CSMD3: variants seen among roughly 807,000 people sequenced by gnomAD.
CSMD3 encodes CUB and Sushi multiple domains 3, also known as CUB and sushi domain-containing protein 3.
CSMD3 carries 177 observed loss-of-function variants against 435.2 expected under a neutral mutation model. The observed-to-expected ratio is 0.41, with a 90% CI of 0.36 to 0.46. CSMD3 has a LOEUF of 0.46. Ranked by LOEUF, CSMD3 falls within the 20% of genes least tolerant of loss-of-function variation. The pLI, the probability that CSMD3 is intolerant of heterozygous loss-of-function variation, is 0.34. For synonymous variants in CSMD3, 1,656 were observed against 1,520.5 expected, an observed-to-expected ratio of 1.09 and a Z score of -2.07; for missense variants, 4,265 against 4,504.6, an observed-to-expected ratio of 0.95 and a Z score of 1.52.
At chr8:112,650,750 T>G (rs1319810707) in intron 18 of CSMD3, among the ~76,000 whole-genome samples, 2 of 152,208 alleles carry the variant, frequency 1.3e-5, no homozygotes, top group African/African-American at 4.8e-5. Flanking sequence ...AGTAGAGGCA[T>G]TTTGCAAGGT....
chr8:113,195,329 G>T (rs1203159374), intron 3 of CSMD3, among the ~76,000 whole-genome samples: 3 of 149,276 alleles, frequency 2.0e-5, no homozygotes, highest in African/African-American at 7.4e-5. Flanking sequence ...ACTATTGAAA[G>T]AGCTGAGATC....
Position 112,405,226 on chromosome 8 carries a change from TATATATATATATATATATATAC to T in CSMD3, c.5809+1276_5809+1297del, listed in dbSNP as rs1563904450. 1.5e-3 allele frequency among the ~76,000 whole-genome samples: 141 copies of T among 96,012 alleles called. 3 individuals carry two copies. The highest frequency in any genetic ancestry group is 7.0e-3 in the African/African-American group (137 of 19,604). The allele number at this position is 96,012 out of a possible 152,430, so 63.0% of individuals were successfully genotyped here. A position where few individuals can be genotyped will look rare whatever the true frequency, so the allele number is the denominator to read the frequency against. On this transcript the variant is annotated intron_variant, in intron 35 of 70. Coordinates refer to ENST00000297405, the MANE Select transcript of CSMD3 (RefSeq NM_198123.2). ...AAAAAAAAACCCCCATATATATATATATATATATATATATATATATACATATATATATACACATATCTTATTT... is the reference window on the plus strand; with the variant it reads ...AAAAAAAAACCCCCATATATATATATATATATATATACACATATCTTATTT...
intron 3 of CSMD3, among the ~76,000 whole-genome samples, chr8:113,276,322 T>G (rs1419229015): frequency 6.6e-6 from 1 of 152,164 alleles, no homozygotes; most frequent in East Asian, 1.9e-4. Context: ...GCTGAGAAAT[T>G]TCTTCACCTG....
intron 13 of CSMD3, among the ~76,000 whole-genome samples, chr8:112,726,905 A>G (rs1235137908): frequency 6.6e-6 from 1 of 151,838 alleles, no homozygotes; most frequent in Non-Finnish European, 1.5e-5. Flanking sequence ...ATAAGAACCA[A>G]TGGGAATATG....
At chr8:112,913,251 T>G (rs2082478126) in intron 10 of CSMD3, among the ~76,000 whole-genome samples, 3 of 151,924 alleles carry the variant, frequency 2.0e-5, no homozygotes. Flanking sequence ...TCAGGATGAT[T>G]CAAGCACATT....
intron 1 of CSMD3, among the ~76,000 whole-genome samples, chr8:113,403,672 T>A (rs936699584): frequency 2.0e-5 from 3 of 151,448 alleles, no homozygotes; most frequent in Non-Finnish European, 4.5e-5. Context: ...CAGTAACAGC[T>A]GTTTTAAATC....
intron 22 of CSMD3, among the ~76,000 whole-genome samples, chr8:112,599,179 A>C (rs1257075772): frequency 6.8e-6 from 1 of 147,490 alleles, no homozygotes; most frequent in Admixed American, 6.7e-5. Context: ...AAAAGAAAAA[A>C]AAAACAACCC....
chr8:113,154,632 G>A (rs1299169923), intron 4 of CSMD3, among the ~76,000 whole-genome samples: 1 of 152,006 alleles, frequency 6.6e-6, no homozygotes, highest in Non-Finnish European at 1.5e-5. Context: ...AATAACAGAA[G>A]TAAACATATT....
chr8:112,370,082 A>AAGAAGAAGAAGT (rs1285510394), intron 38 of CSMD3, among the ~76,000 whole-genome samples: 2,096 of 102,016 alleles, frequency 0.021, 79 homozygotes, highest in East Asian at 0.026. Context: ...GAAGAAGAAG[A>AAGAAGAAGAAGT]AGTAGTAGTA....
At chr8:112,881,865 T>G (rs1033139212) in intron 10 of CSMD3, among the ~76,000 whole-genome samples, 1 of 152,012 alleles carries the variant, frequency 6.6e-6, no homozygotes, top group Non-Finnish European at 1.5e-5. Flanking sequence ...TGAGAAACAC[T>G]TATTTACAGG....
At chr8:112,881,387 C>A (rs1427971199) in intron 10 of CSMD3, among the ~76,000 whole-genome samples, 1 of 151,996 alleles carries the variant, frequency 6.6e-6, no homozygotes, top group Non-Finnish European at 1.5e-5. Flanking sequence ...AAAATCTGGA[C>A]TAAACAGCAT....
chr8:113,396,240 C>A (rs2094483026), intron 1 of CSMD3, among the ~76,000 whole-genome samples: 1 of 152,100 alleles, frequency 6.6e-6, no homozygotes, highest in Non-Finnish European at 1.5e-5. Flanking sequence ...TTATGAAGTT[C>A]TTAGGTGAAC....
chr8:113,359,153 G>A (rs1388956604), intron 1 of CSMD3, among the ~76,000 whole-genome samples: 2 of 152,186 alleles, frequency 1.3e-5, no homozygotes, highest in African/African-American at 4.8e-5. Context: ...TTGTACGTTT[G>A]ACCAACTATG....
At position 112,586,949 on chromosome 8, in the gene CSMD3, A is replaced by G. The variant is rs1830777928; in HGVS notation, c.3885+117T>C. The G allele has an allele frequency of 1.4e-5, 8 of 583,334 alleles. 1 individual carries two copies. Among genetic ancestry groups the G allele is most frequent in the Non-Finnish European group, 2.1e-5 (7 of 338,904 alleles). 36.1% of individuals were successfully genotyped at this position (583,334 alleles called of 1,614,324 possible). On this transcript the variant is annotated intron_variant, in intron 23 of 70. Transcript: ENST00000297405. ...ATTTGAATGTGTGAATGGTAGAATC[A>G]ACTTACGGTTAATACTATATACATA...
intron 32 of CSMD3, among the ~76,000 whole-genome samples, chr8:112,460,268 T>C (rs1187727546): frequency 1.3e-5 from 2 of 152,084 alleles, no homozygotes; most frequent in South Asian, 2.1e-4. Context: ...TAGTGAATAA[T>C]TGCCACTTAC....
At chr8:113,272,770 A>G (rs997443479) in intron 3 of CSMD3, among the ~76,000 whole-genome samples, 47 of 152,206 alleles carry the variant, frequency 3.1e-4, no homozygotes, top group African/African-American at 1.1e-3. Context: ...ATTTCCACAA[A>G]TCTGGAACTA....
chr8:112,350,836 C>A (rs1014895689), intron 40 of CSMD3, among the ~76,000 whole-genome samples: 3 of 151,910 alleles, frequency 2.0e-5, no homozygotes, highest in African/African-American at 7.2e-5. Context: ...CAATAGTAAG[C>A]AATAGAATAT....
At chr8:113,399,662 A>G (rs1016714095) in intron 1 of CSMD3, among the ~76,000 whole-genome samples, 2 of 151,938 alleles carry the variant, frequency 1.3e-5, no homozygotes, top group African/African-American at 2.4e-5. Context: ...GAGGATCGTG[A>G]GTGAATTCTA....
chr8:112,378,309 A>G (rs1027294868), intron 38 of CSMD3, among the ~76,000 whole-genome samples: 1 of 152,050 alleles, frequency 6.6e-6, no homozygotes, highest in Non-Finnish European at 1.5e-5. Flanking sequence ...AGATCCAAAA[A>G]TCTCACTGCC....
Sources: gnomAD v4.1 joint callset for allele counts (sites outside exome capture counted in the v4.1 genomes callset) on GRCh38, gnomAD v4.1.1 for gene constraint, MANE v1.5 for transcripts, NCBI Gene and HGNC (gene_info 2026-07-23, HGNC 2026-07-21) for gene names.